Variants in SLC8A3 observed in about 807,000 individuals in gnomAD.
The protein encoded by SLC8A3 is solute carrier family 8 member A3, also known as sodium/calcium exchanger 3.
A neutral mutation model predicts 65.4 loss-of-function variants in SLC8A3; 37 were observed. That is an observed-to-expected ratio of 0.57 (90% confidence interval 0.44 to 0.74). The LOEUF is 0.74. SLC8A3 is among the 30% of genes least tolerant of loss of function. SLC8A3 has a pLI of 0.00. For missense variants in SLC8A3, 1,112 were observed against 1,172.1 expected (o/e 0.95, Z 0.75); for synonymous variants, 461 against 444.5 (o/e 1.04, Z -0.47).
chr14:70,049,413 C>T (rs1476935262), intron 5 of SLC8A3, among the ~76,000 whole-genome samples: 1 of 152,134 alleles, frequency 6.6e-6, no homozygotes, highest in Non-Finnish European at 1.5e-5. Flanking sequence ...TGTTCTCACT[C>T]ATAAGTGGGA....
At chr14:70,101,638 G>A (rs1056268564) in intron 2 of SLC8A3, among the ~76,000 whole-genome samples, 1 of 152,164 alleles carries the variant, frequency 6.6e-6, no homozygotes, top group Non-Finnish European at 1.5e-5. Context: ...AGTTGAACTT[G>A]TACCTCTGGC....
In SLC8A3 at chr14:70,045,553, C is replaced by T. The variant is rs1259973975; in HGVS notation, c.*394G>A. 6.0e-6 allele frequency: 1 copy of T among 167,714 alleles called. No homozygotes were observed. Among genetic ancestry groups the T allele is most frequent in the Non-Finnish European group, 1.3e-5 (1 of 78,328 alleles). The allele number at this position is 167,714 out of a possible 1,614,324, so 10.4% of individuals were successfully genotyped here. ...TGTCAGCTGAGTGAGATAATAGGGA[C>T]ATATGGAATTGGGCAGAGAGGAGAA... is the stretch of plus-strand genomic sequence containing the variant. On this transcript the variant is annotated 3_prime_UTR_variant, in exon 7 of 7. Coordinates refer to ENST00000356921, the MANE Select transcript of SLC8A3 (RefSeq NM_182932.3).
chr14:70,108,331 C>T (rs758552493), intron 2 of SLC8A3, among the ~76,000 whole-genome samples: 12 of 148,780 alleles, frequency 8.1e-5, no homozygotes, highest in Admixed American at 1.4e-4. Context: ...ACCCGGGAGC[C>T]GGAGGTTGCA....
intron 2 of SLC8A3, among the ~76,000 whole-genome samples, chr14:70,090,367 T>C (rs536731751): frequency 6.6e-6 from 1 of 152,236 alleles, no homozygotes; most frequent in East Asian, 1.9e-4. Flanking sequence ...CATATGCGCA[T>C]GTCCTCCTGC....
At position 70,168,446 on chromosome 14, in the gene SLC8A3, C is replaced by G; in HGVS notation, c.-24G>C. 6.3e-7 allele frequency: 1 copy of G among 1,579,732 alleles called. No homozygotes were observed. The highest frequency in any genetic ancestry group is 8.7e-7 in the Non-Finnish European group (1 of 1,155,574). ...ATACACGAGACTTAGCCACTGGCTT[C>G]TATTGCAGCACCAGTTGTCCTCCTG... On this transcript the variant is annotated 5_prime_UTR_variant, in exon 2 of 7. Transcript: ENST00000356921.
chr14:70,068,254 T>C (rs1889662146), intron 2 of SLC8A3, among the ~76,000 whole-genome samples: 1 of 152,192 alleles, frequency 6.6e-6, no homozygotes. Context: ...ATTTATTAGT[T>C]GAACAGATGA....
intron 2 of SLC8A3, among the ~76,000 whole-genome samples, chr14:70,073,509 G>T (rs1207795962): frequency 2.0e-5 from 3 of 152,166 alleles, no homozygotes; most frequent in Admixed American, 6.5e-5. Flanking sequence ...CCAGTAGTCT[G>T]GGAATAAATG....
intron 2 of SLC8A3, among the ~76,000 whole-genome samples, chr14:70,065,202 C>T (rs2139864527): frequency 6.6e-6 from 1 of 152,300 alleles, no homozygotes; most frequent in Middle Eastern, 3.4e-3. Context: ...ATGGGTACAA[C>T]CTCCCTGCCC....
chr14:70,180,700 T>TG (rs1882675911), intron 1 of SLC8A3, among the ~76,000 whole-genome samples: 1 of 152,170 alleles, frequency 6.6e-6, no homozygotes, highest in Non-Finnish European at 1.5e-5. Flanking sequence ...ACATCTTTTC[T>TG]GGGGGCTCTA....
At chr14:70,085,816 C>T (rs1891390296) in intron 2 of SLC8A3, among the ~76,000 whole-genome samples, 1 of 152,136 alleles carries the variant, frequency 6.6e-6, no homozygotes, top group Non-Finnish European at 1.5e-5. Context: ...CCAGGCACTA[C>T]TATGTGTGCT....
intron 1 of SLC8A3, among the ~76,000 whole-genome samples, chr14:70,177,264 T>C (rs950517508): frequency 6.6e-6 from 1 of 152,216 alleles, no homozygotes; most frequent in Non-Finnish European, 1.5e-5. Flanking sequence ...AGTTCTCCCA[T>C]CTTTGGCAGT....
At chr14:70,144,318 T>TTTG (rs1895767138) in intron 2 of SLC8A3, among the ~76,000 whole-genome samples, 7 of 142,168 alleles carry the variant, frequency 4.9e-5, no homozygotes, top group South Asian at 2.2e-4. Flanking sequence ...GTTTTTTTTT[T>TTTG]TTTTTTTTTT....
intron 1 of SLC8A3, among the ~76,000 whole-genome samples, chr14:70,173,246 G>C (rs1176251768): frequency 3.3e-5 from 5 of 152,192 alleles, no homozygotes; most frequent in African/African-American, 1.2e-4. Flanking sequence ...AGGAAGGTCA[G>C]ATAGAACTCT....
At chr14:70,064,415 G>A (rs1360582733) in intron 2 of SLC8A3, among the ~76,000 whole-genome samples, 2 of 152,188 alleles carry the variant, frequency 1.3e-5, no homozygotes, top group East Asian at 3.9e-4. Context: ...TGATCCAAAT[G>A]GTTTATTTCA....
At chr14:70,130,106 G>A (rs965084665) in intron 2 of SLC8A3, among the ~76,000 whole-genome samples, 3 of 152,148 alleles carry the variant, frequency 2.0e-5, no homozygotes, top group East Asian at 3.9e-4. Context: ...TCTCTGCTTC[G>A]TCTGTGTCAG....
At chr14:70,069,906 G>A (rs1889851845) in intron 2 of SLC8A3, among the ~76,000 whole-genome samples, 1 of 152,218 alleles carries the variant, frequency 6.6e-6, no homozygotes, top group Non-Finnish European at 1.5e-5. Context: ...GGGCCTGAGA[G>A]CCTGCCTTTT....
chr14:70,168,226 T>C lies in SLC8A3; in HGVS notation c.197A>G (p.Glu66Gly), dbSNP rs763564010. ...EGVILPIWYP[E>G]NPSLGDKIAR... Reference sequence around the variant, plus strand: ...AATCTTGTCCCCAAGGGAAGGGTTCTCCGGGTACCAGATTGGCAGGATGAC... The same window carrying C: ...AATCTTGTCCCCAAGGGAAGGGTTCCCCGGGTACCAGATTGGCAGGATGAC... The change falls in exon 2 of 7, where the codon GAG (glutamate) becomes GGG (glycine). Residue 66 changes from glutamate to glycine, a missense_variant. Coordinates refer to ENST00000356921, the MANE Select transcript of SLC8A3 (RefSeq NM_182932.3). 6.2e-7 allele frequency: 1 copy of C among 1,614,186 alleles called. No individual in the cohort carries two copies. The highest frequency in any genetic ancestry group is 1.1e-5 in the South Asian group (1 of 91,080).
chr14:70,183,018 G>A (rs41525145), intron 1 of SLC8A3, among the ~76,000 whole-genome samples: 24,262 of 152,144 alleles, frequency 0.16, 2,280 homozygotes, highest in Admixed American at 0.25. Flanking sequence ...GAATGCTGAC[G>A]AAGCTCACAC....
intron 2 of SLC8A3, among the ~76,000 whole-genome samples, chr14:70,126,547 T>A (rs1001375066): frequency 8.5e-6 from 1 of 118,020 alleles, no homozygotes; most frequent in Non-Finnish European, 1.8e-5. Context: ...AGAAAGAAAA[T>A]TCTCTCTCTC....
Sources: gnomAD v4.1 joint callset for allele counts (sites outside exome capture counted in the v4.1 genomes callset) on GRCh38, gnomAD v4.1.1 for gene constraint, MANE v1.5 for transcripts, NCBI Gene and HGNC (gene_info 2026-07-23, HGNC 2026-07-21) for gene names.